Variants in PRKN observed in about 807,000 individuals in gnomAD.
PRKN encodes parkin RBR E3 ubiquitin protein ligase, also known as E3 ubiquitin-protein ligase parkin.
A neutral mutation model predicts 59.5 loss-of-function variants in PRKN; 56 were observed. The ratio of observed to expected loss-of-function variants is 0.94; its 90% CI spans 0.76 to 1.18. The LOEUF is 1.18. Ranked by LOEUF, PRKN falls within the 50% of genes most tolerant of loss-of-function variation. The pLI is 0.00. For synonymous variants in PRKN, 250 were observed against 222.1 expected (o/e 1.13, Z -1.12); for missense variants, 657 against 596.4 (o/e 1.10, Z -1.06).
chr6:162,235,976 A>AGAAAAGAAT (rs1778674508), intron 3 of PRKN, among the ~76,000 whole-genome samples: 1 of 112,114 alleles, frequency 8.9e-6, no homozygotes, highest in African/African-American at 4.5e-5. Context: ...AAAGAAAGAA[A>AGAAAAGAAT]GAAAGAAAGA....
chr6:161,818,949 T>G (rs1183444409), intron 6 of PRKN, among the ~76,000 whole-genome samples: 1 of 152,260 alleles, frequency 6.6e-6, no homozygotes, highest in East Asian at 1.9e-4. Flanking sequence ...CCATCTAACA[T>G]GTACTGTGGT....
At chr6:161,739,415 A>T (rs553574485) in intron 7 of PRKN, among the ~76,000 whole-genome samples, 71 of 152,276 alleles carry the variant, frequency 4.7e-4, no homozygotes, top group Admixed American at 5.2e-4. Context: ...AAAAATAAAT[A>T]AATTAATTAA....
chr6:162,435,192 T>C (rs940956548), intron 2 of PRKN, among the ~76,000 whole-genome samples: 1 of 152,152 alleles, frequency 6.6e-6, no homozygotes, highest in Admixed American at 6.5e-5. Context: ...TGTTAAGAGT[T>C]TGGAGATTGG....
rs1238650701 is a variant in PRKN, at chr6:161,373,562, G to A, written c.1167+13232C>T. Among the ~76,000 whole-genome samples, 1 of 151,478 alleles carries A rather than the reference G, an allele frequency of 6.6e-6. No homozygotes were observed. Among genetic ancestry groups the A allele is most frequent in the Non-Finnish European group, 1.5e-5 (1 of 67,860 alleles). On this transcript the variant is annotated intron_variant, in intron 10 of 11. Transcript: ENST00000366898. The surrounding 1 kb of genome is among the most constrained non-coding windows in gnomAD (Gnocchi z 4.8). ...GCTATGCCTCTGTGTTTGCAGGGGT[G>A]CTGAGTTTAAATGTGCTATACCTCT...
intron 1 of PRKN, among the ~76,000 whole-genome samples, chr6:162,507,963 C>CT (rs1793681864): frequency 1.3e-5 from 2 of 152,190 alleles, no homozygotes; most frequent in South Asian, 4.1e-4. Context: ...AGTCCAAACT[C>CT]TATGATTAAG....
At chr6:161,392,531 C>T (rs1056438382) in intron 9 of PRKN, among the ~76,000 whole-genome samples, 23 of 146,480 alleles carry the variant, frequency 1.6e-4, no homozygotes, top group South Asian at 1.5e-3. Context: ...CTCTCTCTCT[C>T]GCTATATATA....
At chr6:161,743,434 AG>A in intron 7 of PRKN, among the ~76,000 whole-genome samples, 1 of 137,542 alleles carries the variant, frequency 7.3e-6, no homozygotes, top group East Asian at 2.0e-4. Flanking sequence ...TATTTTTAGT[AG>A]AGATGGGGTT....
chr6:161,386,735 C>T lies in PRKN; in HGVS notation c.1167+59G>A. Reference sequence around the variant, plus strand: ...ACTCTCCATGACCTCCAGGAAACGGCTCCAGTCCCCCACTGTATCCGGAGC... The same window carrying T: ...ACTCTCCATGACCTCCAGGAAACGGTTCCAGTCCCCCACTGTATCCGGAGC... On this transcript the variant is annotated intron_variant, in intron 10 of 11. Transcript: ENST00000366898. This position sits in a 1 kb window ranked among gnomAD's most constrained non-coding sequence, Gnocchi z 4.3. The T allele has an allele frequency of 7.5e-7, 1 of 1,330,416 alleles. No individual in the cohort carries two copies. The allele number at this position is 1,330,416 out of a possible 1,614,324, so 82.4% of individuals were successfully genotyped here.
chr6:162,177,602 A>T (rs182896664), intron 4 of PRKN, among the ~76,000 whole-genome samples: 91 of 152,280 alleles, frequency 6.0e-4, no homozygotes, highest in Middle Eastern at 6.8e-3. Flanking sequence ...GAAAAACAAC[A>T]ATTACTAATG....
At chr6:162,450,334 TGTGATTGTAATCCCCCTGTGAATGTAAAC>T (rs1315454959) in intron 1 of PRKN, among the ~76,000 whole-genome samples, 6 of 95,212 alleles carry the variant, frequency 6.3e-5, no homozygotes, top group African/African-American at 1.6e-4. Flanking sequence ...TAAACGCCCC[TGTGATTGTAATCCCCCTGTGAATGTAAAC>T]GCCCCTGTGA....
intron 7 of PRKN, among the ~76,000 whole-genome samples, chr6:161,661,768 A>C (rs1392086053): frequency 6.6e-6 from 1 of 152,216 alleles, no homozygotes; most frequent in African/African-American, 2.4e-5. Flanking sequence ...CCCACGTGTA[A>C]TCACAGCACT....
At chr6:162,245,150 A>T (rs1343049899) in intron 3 of PRKN, among the ~76,000 whole-genome samples, 1 of 152,084 alleles carries the variant, frequency 6.6e-6, no homozygotes, top group Non-Finnish European at 1.5e-5. Context: ...AACCAAAGAG[A>T]TTACTGGTAC....
At chr6:162,400,576 C>T (rs745780538) in intron 2 of PRKN, among the ~76,000 whole-genome samples, 7 of 151,016 alleles carry the variant, frequency 4.6e-5, no homozygotes, top group Non-Finnish European at 1.0e-4. Context: ...TGGAAAAAAC[C>T]GAACTATCAT....
chr6:162,223,657 ACAC>A (rs1778036363), intron 3 of PRKN, among the ~76,000 whole-genome samples: 1 of 77,182 alleles, frequency 1.3e-5, no homozygotes, highest in African/African-American at 9.2e-5. Context: ...ACACACACAC[ACAC>A]AAACATAATG....
rs1789402841 is a variant in PRKN, at chr6:161,444,654, C to CT, written c.1084-57778dup. 6.6e-6 allele frequency among the ~76,000 whole-genome samples: 1 copy of CT among 152,234 alleles called. No individual in the cohort carries two copies. The highest frequency in any genetic ancestry group is 6.5e-5 in the Admixed American group (1 of 15,284). On this transcript the variant is annotated intron_variant, in intron 9 of 11. Transcript: ENST00000366898. The surrounding 1 kb of genome is among the most constrained non-coding windows in gnomAD (Gnocchi z 5.6). ...GGCTAATTCACTGTGCTCAGCCTGT[C>CT]TGCGGGTAGCGAGGGCTCCTGAGTA... is the stretch of plus-strand genomic sequence containing the variant.
intron 2 of PRKN, among the ~76,000 whole-genome samples, chr6:162,344,745 C>T (rs577428256): frequency 6.6e-6 from 1 of 152,126 alleles, no homozygotes; most frequent in Admixed American, 6.6e-5. Context: ...GGCTTTCTAT[C>T]CAGGCTCCAT....
intron 9 of PRKN, among the ~76,000 whole-genome samples, chr6:161,426,407 T>C (rs1339408787): frequency 2.0e-5 from 3 of 152,102 alleles, no homozygotes; most frequent in Non-Finnish European, 4.4e-5. Context: ...CACCATCTAA[T>C]CAGCTGCCAG....
intron 4 of PRKN, among the ~76,000 whole-genome samples, chr6:162,179,657 C>A (rs1783701780): frequency 6.6e-6 from 1 of 152,124 alleles, no homozygotes; most frequent in South Asian, 2.1e-4. Flanking sequence ...AAGTTGCACA[C>A]TGAAGGTTTA....
intron 1 of PRKN, among the ~76,000 whole-genome samples, chr6:162,553,733 C>G (rs12664317): frequency 7.1e-6 from 1 of 139,892 alleles, no homozygotes; most frequent in Non-Finnish European, 1.5e-5. Flanking sequence ...AACTTGGAGG[C>G]GGAGGTTGCA....
Sources: allele counts gnomAD v4.1 joint callset (sites outside exome capture counted in the v4.1 genomes callset), GRCh38; gene constraint gnomAD v4.1.1; non-coding constraint Gnocchi (gnomAD v3.1); transcripts MANE v1.5; gene names NCBI Gene and HGNC (gene_info 2026-07-23, HGNC 2026-07-21).